NEK6: variants seen among roughly 807,000 people sequenced by gnomAD.
NEK6 encodes serine/threonine-protein kinase Nek6.
A neutral mutation model predicts 43.5 loss-of-function variants in NEK6; 27 were observed. The observed-to-expected ratio is 0.62, with a 90% confidence interval of 0.46 to 0.86. The LOEUF is 0.86. NEK6 is among the 40% of genes least tolerant of loss of function. The pLI is 0.00. For missense variants in NEK6, 318 were observed against 414.4 expected (o/e 0.77, Z 2.02); for synonymous variants, 167 against 164.1 (o/e 1.02, Z -0.14).
intron 1 of NEK6, among the ~76,000 whole-genome samples, chr9:124,276,227 G>T (rs926660875): frequency 2.0e-5 from 3 of 152,176 alleles, no homozygotes; most frequent in African/African-American, 7.2e-5. Context: ...ATTCTGGGCT[G>T]CAAGTCAGAA....
intron 1 of NEK6, among the ~76,000 whole-genome samples, chr9:124,274,200 G>A (rs1028671571): frequency 1.3e-5 from 2 of 152,258 alleles, no homozygotes; most frequent in Admixed American, 6.5e-5. Flanking sequence ...GACAGAGGCC[G>A]CAGGGCCCAT....
At chr9:124,311,869 T>C (rs1368254441) in intron 2 of NEK6, among the ~76,000 whole-genome samples, 2 of 152,230 alleles carry the variant, frequency 1.3e-5, no homozygotes, top group Non-Finnish European at 2.9e-5. Context: ...TTTATATTTT[T>C]AGTGGAGACA....
chr9:124,316,704 AT>A (rs1241978515), intron 4 of NEK6, among the ~76,000 whole-genome samples: 1 of 152,018 alleles, frequency 6.6e-6, no homozygotes, highest in Non-Finnish European at 1.5e-5. Context: ...GACCTTGGCG[AT>A]TTAGCCCAAT....
intron 1 of NEK6, among the ~76,000 whole-genome samples, chr9:124,279,363 A>G (rs572358587): frequency 1.4e-5 from 2 of 143,080 alleles, no homozygotes; most frequent in South Asian, 4.4e-4. Flanking sequence ...GTGCAGTGGC[A>G]CGATCTCGGC....
chr9:124,342,595 C>T (rs750780255), intron 8 of NEK6, among the ~76,000 whole-genome samples: 30 of 152,236 alleles, frequency 2.0e-4, no homozygotes, highest in Non-Finnish European at 4.0e-4. Context: ...CACTTCTGCC[C>T]GCCTCCGGCA....
intron 1 of NEK6, among the ~76,000 whole-genome samples, chr9:124,279,478 T>A (rs1028847184): frequency 7.9e-5 from 12 of 152,088 alleles, no homozygotes; most frequent in African/African-American, 2.9e-4. Flanking sequence ...ATTTTTGTAT[T>A]TTTAGTAGAG....
At chr9:124,258,166 C>T (rs949633461) in intron 1 of NEK6, 81 bp downstream of exon 1, 7 of 975,080 alleles carry the variant, frequency 7.2e-6, no homozygotes, top group African/African-American at 5.3e-5. Context: ...GGGGCCGTCA[C>T]CCCCAGCCGG....
chr9:124,270,169 T>G (rs1248910739), intron 1 of NEK6, among the ~76,000 whole-genome samples: 2 of 152,086 alleles, frequency 1.3e-5, no homozygotes, highest in Non-Finnish European at 2.9e-5. Flanking sequence ...GCCTGTTGCG[T>G]TACTTCTCTG....
chr9:124,313,589 A>T (rs1833658395), intron 3 of NEK6, among the ~76,000 whole-genome samples: 2 of 152,062 alleles, frequency 1.3e-5, no homozygotes, highest in Non-Finnish European at 2.9e-5. Context: ...GCTGGTCTCG[A>T]ACTCCTGACC....
rs2130862026 is a variant in NEK6 at position 124,312,624 on chromosome 9, A to G, written c.206A>G (p.Lys69Arg). 6.2e-7 allele frequency: 1 copy of G among 1,613,710 alleles called. No homozygotes were observed. Among genetic ancestry groups the G allele is most frequent in the Admixed American group, 1.7e-5 (1 of 60,012 alleles). Residue 69 changes from lysine to arginine, a missense_variant, in exon 3 of 10, where the codon AAG (lysine) becomes AGG (arginine). Transcript: ENST00000320246. ...VYKATCLLDR[K>R]TVALKKVQIF... The stretch of plus-strand genomic sequence containing the variant: ...AAGGCCACCTGCCTGCTGGACAGGA[A>G]GACAGTGGCTCTGAAGAAGGTGCAG...
At chr9:124,261,542 T>A in intron 1 of NEK6, 1 of 985,456 alleles carries the variant, frequency 1.0e-6, no homozygotes, top group Non-Finnish European at 1.2e-6. Flanking sequence ...TTCACGGGCC[T>A]GACTCACAGT....
chr9:124,321,439 C>T lies in NEK6; in HGVS notation c.295-20C>T, dbSNP rs746240592. On this transcript the variant is annotated intron_variant, in intron 4 of 9. Transcript: ENST00000320246. ...CCGTCTTCACTTGGTGCCCCCTTCC[C>T]TCTTTCCCTCCTCATGCAGCAACTG... is the stretch of plus-strand genomic sequence containing the variant. 6.4e-7 allele frequency: 1 copy of T among 1,551,416 alleles called. No individual in the cohort carries two copies. Among genetic ancestry groups the T allele is most frequent in the South Asian group, 1.1e-5 (1 of 89,534 alleles).
intron 4 of NEK6, among the ~76,000 whole-genome samples, chr9:124,314,659 A>G (rs1254989631): frequency 6.6e-6 from 1 of 150,712 alleles, no homozygotes; most frequent in Non-Finnish European, 1.5e-5. Context: ...CCTGATTTTT[A>G]TTTTTTATTT....
At chr9:124,314,893 C>T (rs1012584778) in intron 4 of NEK6, among the ~76,000 whole-genome samples, 2 of 152,206 alleles carry the variant, frequency 1.3e-5, no homozygotes, top group Non-Finnish European at 2.9e-5. Context: ...CTCCTGACCT[C>T]AGGTGATCCA....
chr9:124,261,605 A>G (rs2118848739), intron 1 of NEK6: 5 of 984,890 alleles, frequency 5.1e-6, no homozygotes, highest in South Asian at 4.7e-5. Flanking sequence ...GTCACTTGTC[A>G]TTTAAGTCCC....
upstream of NEK6, chr9:124,257,632 A>C: frequency 1.0e-5 from 15 of 1,505,248 alleles, no homozygotes; most frequent in African/African-American, 1.4e-5. Context: ...GGGAATCCGA[A>C]GACGCACAGG....
At chr9:124,258,629 T>A (rs1830903357) in intron 1 of NEK6, among the ~76,000 whole-genome samples, 1 of 152,154 alleles carries the variant, frequency 6.6e-6, no homozygotes, top group Non-Finnish European at 1.5e-5. Flanking sequence ...GCCGGCCCCC[T>A]TTGCGCCCAC....
chr9:124,303,581 T>A (rs1833104810), intron 2 of NEK6, among the ~76,000 whole-genome samples: 2 of 152,138 alleles, frequency 1.3e-5, no homozygotes, highest in African/African-American at 4.8e-5. Context: ...ACACTATGTT[T>A]GTGTGTGTAT....
At chr9:124,322,835 A>G (rs1265288686) in intron 5 of NEK6, among the ~76,000 whole-genome samples, 1 of 152,216 alleles carries the variant, frequency 6.6e-6, no homozygotes, top group Non-Finnish European at 1.5e-5. Flanking sequence ...GCTCTTCTGA[A>G]ATTTGGGTCC....
Sources: gnomAD v4.1 joint callset for allele counts (sites outside exome capture counted in the v4.1 genomes callset) on GRCh38, gnomAD v4.1.1 for gene constraint, MANE v1.5 for transcripts, NCBI Gene and HGNC (gene_info 2026-07-23, HGNC 2026-07-21) for gene names.